CHL1: variants seen among roughly 807,000 people sequenced by gnomAD.
CHL1 encodes cell adhesion molecule L1 like.
A neutral mutation model predicts 141.9 loss-of-function variants in CHL1; 96 were observed. The observed-to-expected ratio is 0.68, with a 90% CI of 0.57 to 0.80. The LOEUF is 0.80. Ranked by LOEUF, CHL1 falls within the 30% of genes least tolerant of loss-of-function variation. CHL1 has a pLI of 0.00. For missense variants in CHL1, 1,820 were observed against 1,457.2 expected, an observed-to-expected ratio of 1.25 and a Z score of -4.05; for synonymous variants, 613 against 502.2, an observed-to-expected ratio of 1.22 and a Z score of -2.95.
chr3:327,454 T>C (rs1701104510), intron 4 of CHL1, among the ~76,000 whole-genome samples: 1 of 152,000 alleles, frequency 6.6e-6, no homozygotes, highest in Non-Finnish European at 1.5e-5. Flanking sequence ...TTTGCAACAT[T>C]TATCAAATAC....
intron 2 of CHL1, among the ~76,000 whole-genome samples, chr3:286,274 A>G (rs972638227): frequency 6.6e-6 from 1 of 152,154 alleles, no homozygotes; most frequent in Non-Finnish European, 1.5e-5. Context: ...CGCACAAGAA[A>G]GAATTTGGGG....
At chr3:405,181 T>C (rs1204817583) in intron 27 of CHL1, among the ~76,000 whole-genome samples, 2 of 152,190 alleles carry the variant, frequency 1.3e-5, no homozygotes, top group African/African-American at 2.4e-5. Flanking sequence ...TAGCAGCCAC[T>C]GTGGACATCA....
chr3:329,107 G>T lies in CHL1; in HGVS notation c.385+753G>T, dbSNP rs555860967. 1.1e-4 allele frequency among the ~76,000 whole-genome samples: 16 copies of T among 152,136 alleles called. No individual in the cohort carries two copies. In the East Asian group the frequency reaches 2.9e-3, roughly 28 times the overall value. On this transcript the variant is annotated intron_variant, in intron 5 of 27. Coordinates refer to ENST00000256509, the MANE Select transcript of CHL1 (RefSeq NM_006614.4). ...AGCGTACTTTATTCATAGCTTATTTGCCCTATGTGCATGGGATATCCATGA... is the reference window on the plus strand; with the variant it reads ...AGCGTACTTTATTCATAGCTTATTTTCCCTATGTGCATGGGATATCCATGA...
At position 394,838 on chromosome 3, in the gene CHL1, G is replaced by A. The variant is rs1221169013; in HGVS notation, c.3060G>A (p.Pro1020=). 1.9e-6 allele frequency: 3 copies of A among 1,613,124 alleles called. No homozygotes were observed. Among genetic ancestry groups the A allele is most frequent in the East Asian group, 2.2e-5 (1 of 44,854 alleles). Residue 1020 remains proline (P), a synonymous_variant, in exon 24 of 28, where the codon CCG becomes CCA. Coordinates refer to ENST00000256509, the MANE Select transcript of CHL1 (RefSeq NM_006614.4). ...RACTSQGCGK[P]ITEESSTLGE... ...GCACTTCACAGGGCTGTGGAAAACC[G>A]ATCACGGAGGAAAGCTCCACCTTAG...
chr3:331,777 A>G (rs945807145), intron 5 of CHL1, among the ~76,000 whole-genome samples: 8 of 152,240 alleles, frequency 5.3e-5, no homozygotes, highest in Non-Finnish European at 1.2e-4. Flanking sequence ...AAGTGGCAAC[A>G]TATATAAACT....
In CHL1 at chr3:366,672, C is replaced by A. The variant is rs1454959045; in HGVS notation, c.1751+557C>A. 2.1e-5 allele frequency among the ~76,000 whole-genome samples: 3 copies of A among 141,058 alleles called. No individual in the cohort carries two copies. In the East Asian group the frequency reaches 6.2e-4, roughly 29 times the overall value. The allele number at this position is 141,058 out of a possible 152,430, so 92.5% of individuals were successfully genotyped here. A position where few individuals can be genotyped will look rare whatever the true frequency, so the allele number is the denominator to read the frequency against. On this transcript the variant is annotated intron_variant, in intron 15 of 27. Transcript: ENST00000256509. ...AGTAACCGAGGAAGAATTGCATGGG[C>A]TTGGATGGTTGCAAAAAAAAAAAAA...
intron 1 of CHL1, among the ~76,000 whole-genome samples, chr3:219,940 G>A (rs985896510): frequency 5.3e-5 from 8 of 152,192 alleles, no homozygotes; most frequent in African/African-American, 1.4e-4. Context: ...AATGCACATT[G>A]AAATCACAGT....
At chr3:327,956 T>C (rs1701136978) in intron 4 of CHL1, among the ~76,000 whole-genome samples, 1 of 152,036 alleles carries the variant, frequency 6.6e-6, no homozygotes, top group African/African-American at 2.4e-5. Context: ...CTAATTTCAA[T>C]CTTAATCCTC....
At chr3:301,736 C>T (rs186592278) in intron 2 of CHL1, among the ~76,000 whole-genome samples, 8 of 152,064 alleles carry the variant, frequency 5.3e-5, no homozygotes, top group East Asian at 3.9e-4. Context: ...AGTCTTTTTC[C>T]GGAAAGAAGA....
intron 2 of CHL1, among the ~76,000 whole-genome samples, chr3:287,739 G>C (rs3933036): frequency 0.39 from 59,272 of 151,470 alleles, 11,877 homozygotes; most frequent in South Asian, 0.56. Flanking sequence ...TATGGTAGCA[G>C]ATAGATACAT....
chr3:203,038 G>A (rs1359246968), intron 1 of CHL1, among the ~76,000 whole-genome samples: 1 of 152,212 alleles, frequency 6.6e-6, no homozygotes, highest in Non-Finnish European at 1.5e-5. Flanking sequence ...TTCCAATGAG[G>A]TAGGGAGAGT....
intron 1 of CHL1, chr3:198,010 CCA>C: frequency 8.5e-6 from 3 of 351,548 alleles, no homozygotes; most frequent in Non-Finnish European, 1.7e-5. Flanking sequence ...TCGCTGCGAG[CCA>C]CAGTGTCTCA....
chr3:374,710 TG>T (rs1226870950), intron 15 of CHL1, among the ~76,000 whole-genome samples: 1 of 152,168 alleles, frequency 6.6e-6, no homozygotes, highest in African/African-American at 2.4e-5. Context: ...CAAGGAAGCC[TG>T]GGAGTAACTG....
intron 1 of CHL1, among the ~76,000 whole-genome samples, chr3:239,595 A>ATATATATATATAT (rs5845955): frequency 0.033 from 4,847 of 146,006 alleles, 114 homozygotes; most frequent in Non-Finnish European, 0.05. Context: ...GTATATATAT[A>ATATATATATATAT]AAATATATAT....
chr3:291,206 T>A (rs1367379195), intron 2 of CHL1, among the ~76,000 whole-genome samples: 1 of 151,968 alleles, frequency 6.6e-6, no homozygotes, highest in African/African-American at 2.4e-5. Context: ...AAAGGAACTA[T>A]GTTAATTTTG....
At chr3:316,092 G>A (rs115356418) in intron 2 of CHL1, among the ~76,000 whole-genome samples, 127 of 152,098 alleles carry the variant, frequency 8.3e-4, no homozygotes, top group African/African-American at 2.6e-3. Context: ...CTAATCTTAT[G>A]TGAATGGGCT....
intron 5 of CHL1, among the ~76,000 whole-genome samples, chr3:338,330 A>G (rs755878731): frequency 1.3e-5 from 2 of 152,130 alleles, no homozygotes; most frequent in African/African-American, 2.4e-5. Flanking sequence ...CGAAAAAAAT[A>G]TTTTTTTAAT....
intron 2 of CHL1, among the ~76,000 whole-genome samples, chr3:276,638 C>T (rs1193553776): frequency 6.6e-6 from 1 of 151,916 alleles, no homozygotes; most frequent in Non-Finnish European, 1.5e-5. Context: ...ACCTGTAATC[C>T]CAGCACTTTG....
At chr3:312,326 C>A (rs1023441785) in intron 2 of CHL1, among the ~76,000 whole-genome samples, 2 of 152,094 alleles carry the variant, frequency 1.3e-5, no homozygotes, top group Non-Finnish European at 2.9e-5. Flanking sequence ...CGTGTCACTG[C>A]GGTGTTATGA....
Sources: gnomAD v4.1 joint callset for allele counts (sites outside exome capture counted in the v4.1 genomes callset) on GRCh38, gnomAD v4.1.1 for gene constraint, MANE v1.5 for transcripts, NCBI Gene and HGNC (gene_info 2026-07-23, HGNC 2026-07-21) for gene names.